ATE1: variants seen among roughly 807,000 people sequenced by gnomAD.
ATE1 encodes the protein arginyltransferase 1, also known as arginyl-tRNA--protein transferase 1.
Under a neutral mutation model 70.5 loss-of-function variants are expected in ATE1, and 36 were observed. That is an observed-to-expected ratio of 0.51 (90% CI 0.39 to 0.67). ATE1 has a LOEUF of 0.67. ATE1 is among the 30% of genes least tolerant of loss of function. The pLI, the probability that ATE1 is intolerant of heterozygous loss-of-function variation, is 0.00. For synonymous variants in ATE1, 232 were observed against 219.3 expected (o/e 1.06, Z -0.51); for missense variants, 593 against 629.5 (o/e 0.94, Z 0.62).
At chr10:121,922,777 AC>A (rs1315415365) in intron 2 of ATE1, among the ~76,000 whole-genome samples, 5 of 152,156 alleles carry the variant, frequency 3.3e-5, no homozygotes, top group Admixed American at 6.6e-5. Context: ...TGACAACCAC[AC>A]TTGGGTATTC....
At chr10:121,775,102 T>C (rs545801300) in intron 11 of ATE1, among the ~76,000 whole-genome samples, 2 of 152,202 alleles carry the variant, frequency 1.3e-5, no homozygotes, top group African/African-American at 4.8e-5. Context: ...GTTGTGCAGT[T>C]TGCTAAAACA....
At chr10:121,853,576 GA>G (rs1224563308) in intron 8 of ATE1, among the ~76,000 whole-genome samples, 1 of 151,778 alleles carries the variant, frequency 6.6e-6, no homozygotes, top group East Asian at 1.9e-4. Context: ...TCCAAAATCC[GA>G]AATACTTTGC....
intron 8 of ATE1, 59 bp from the exon 9 acceptor site, chr10:121,841,322 TAATA>T: frequency 8.8e-7 from 1 of 1,132,684 alleles, no homozygotes; most frequent in Admixed American, 3.9e-5. Flanking sequence ...ATCTTATAAT[TAATA>T]TATACTTTCA....
intron 11 of ATE1, among the ~76,000 whole-genome samples, chr10:121,769,700 A>G (rs1945421924): frequency 6.6e-6 from 1 of 152,244 alleles, no homozygotes; most frequent in African/African-American, 2.4e-5. Flanking sequence ...AAATGCACAA[A>G]GAACATGAGG....
chr10:121,821,533 G>A (rs1250892227), intron 10 of ATE1, among the ~76,000 whole-genome samples: 1 of 152,132 alleles, frequency 6.6e-6, no homozygotes, highest in Non-Finnish European at 1.5e-5. Context: ...ATAAATGGTC[G>A]ATACACATGA....
chr10:121,880,359 A>G (rs1303044356), intron 7 of ATE1, among the ~76,000 whole-genome samples: 3 of 152,116 alleles, frequency 2.0e-5, no homozygotes, highest in Admixed American at 6.5e-5. Context: ...GGGCTAAAAC[A>G]TACAAGAACC....
At chr10:121,839,062 C>T (rs1479849923) in intron 9 of ATE1, among the ~76,000 whole-genome samples, 1 of 152,138 alleles carries the variant, frequency 6.6e-6, no homozygotes, top group African/African-American at 2.4e-5. Context: ...GGCTGCCTTT[C>T]CTTTTCTATA....
intron 7 of ATE1, among the ~76,000 whole-genome samples, chr10:121,896,917 GTAGT>G (rs148054209): frequency 0.014 from 1,982 of 145,326 alleles, 39 homozygotes; most frequent in African/African-American, 0.048. Flanking sequence ...AGTATTAATA[GTAGT>G]TCCTCAAAAT....
intron 7 of ATE1, among the ~76,000 whole-genome samples, chr10:121,888,088 G>GA (rs931841211): frequency 6.6e-6 from 1 of 151,946 alleles, no homozygotes; most frequent in Admixed American, 6.6e-5. Context: ...TAATTACAAA[G>GA]AAAAAAATAT....
At chr10:121,800,239 C>CT (rs1373168952) in intron 10 of ATE1, among the ~76,000 whole-genome samples, 1 of 152,096 alleles carries the variant, frequency 6.6e-6, no homozygotes, top group Non-Finnish European at 1.5e-5. Context: ...GCATTTGAGA[C>CT]TTTGTTATTT....
intron 5 of ATE1, among the ~76,000 whole-genome samples, chr10:121,905,092 C>A (rs1027476644): frequency 6.6e-6 from 1 of 152,156 alleles, no homozygotes; most frequent in Non-Finnish European, 1.5e-5. Context: ...ATGGACGAGG[C>A]TCTGTCACTT....
At chr10:121,881,268 C>T (rs188893423) in intron 7 of ATE1, among the ~76,000 whole-genome samples, 15 of 152,158 alleles carry the variant, frequency 9.9e-5, no homozygotes, top group African/African-American at 3.6e-4. Flanking sequence ...ATTCCAGACA[C>T]TCTGCTGGGC....
At chr10:121,818,174 T>A (rs766392885) in intron 10 of ATE1, among the ~76,000 whole-genome samples, 4 of 140,872 alleles carry the variant, frequency 2.8e-5, no homozygotes, top group Non-Finnish European at 6.0e-5. Context: ...TGAGGATGAC[T>A]TGAGCCTGAA....
chr10:121,855,244 C>T (rs187594667), intron 8 of ATE1, among the ~76,000 whole-genome samples: 6 of 152,146 alleles, frequency 3.9e-5, no homozygotes, highest in South Asian at 2.1e-4. Flanking sequence ...TTTTCTTGGT[C>T]ATGAGACAAA....
chr10:121,844,109 T>C (rs935382875), intron 8 of ATE1, among the ~76,000 whole-genome samples: 5 of 152,190 alleles, frequency 3.3e-5, no homozygotes, highest in African/African-American at 1.2e-4. Flanking sequence ...AATTAAAAAG[T>C]AGGCAAAATA....
At chr10:121,897,132 C>T (rs2134262253) in intron 7 of ATE1, among the ~76,000 whole-genome samples, 1 of 152,284 alleles carries the variant, frequency 6.6e-6, no homozygotes, top group South Asian at 2.1e-4. Context: ...ATTCTAAAGG[C>T]ACTGGAATTG....
intron 7 of ATE1, among the ~76,000 whole-genome samples, chr10:121,878,582 G>A (rs1413863077): frequency 2.0e-5 from 3 of 149,638 alleles, no homozygotes; most frequent in African/African-American, 7.4e-5. Context: ...GACAGAGGGA[G>A]ACTGTGTCTC....
chr10:121,906,625 G>T (rs1334438101), intron 5 of ATE1, among the ~76,000 whole-genome samples: 3 of 151,908 alleles, frequency 2.0e-5, no homozygotes, highest in African/African-American at 7.3e-5. Context: ...TTGAGATGGA[G>T]CCTCACTCTG....
intron 11 of ATE1, among the ~76,000 whole-genome samples, chr10:121,784,463 C>T (rs1590288557): frequency 6.6e-6 from 1 of 152,248 alleles, no homozygotes; most frequent in Non-Finnish European, 1.5e-5. Context: ...AAAGATCACG[C>T]AAACTAGGGA....
Sources: allele counts gnomAD v4.1 joint callset (sites outside exome capture counted in the v4.1 genomes callset), GRCh38; gene constraint gnomAD v4.1.1; transcripts MANE v1.5; gene names NCBI Gene and HGNC (gene_info 2026-07-23, HGNC 2026-07-21).